HECW2: variants seen among roughly 807,000 people sequenced by gnomAD.
The protein encoded by HECW2 is E3 ubiquitin-protein ligase HECW2.
In HECW2, 61 loss-of-function variants were observed where a neutral mutation model predicts 175.2. The observed-to-expected ratio is 0.35, with a 90% CI of 0.28 to 0.43. The LOEUF (loss-of-function observed/expected upper bound fraction) is 0.43, where lower values mean the gene tolerates loss of function less well. Among genes scored for constraint, HECW2 ranks in the 20% least tolerant of loss-of-function variants. HECW2 has a pLI of 1.00. For missense variants in HECW2, 1,524 were observed against 2,000.5 expected (o/e 0.76, Z 4.54); for synonymous variants, 671 against 731.0 (o/e 0.92, Z 1.32).
At chr2:196,510,369 C>T (rs761503812) in intron 1 of HECW2, among the ~76,000 whole-genome samples, 5 of 152,152 alleles carry the variant, frequency 3.3e-5, no homozygotes, top group Admixed American at 6.5e-5. Context: ...AATCATTAAA[C>T]CAGCATTACT....
At chr2:196,463,417 AAAAG>A (rs1400624662) in intron 1 of HECW2, among the ~76,000 whole-genome samples, 3 of 151,950 alleles carry the variant, frequency 2.0e-5, no homozygotes, top group South Asian at 2.1e-4. Flanking sequence ...AAAAAAAAAA[AAAAG>A]AAAGAAAGAA....
intron 5 of HECW2, among the ~76,000 whole-genome samples, chr2:196,327,720 T>C (rs16849617): frequency 0.02 from 2,985 of 152,308 alleles, 92 homozygotes; most frequent in African/African-American, 0.068. Flanking sequence ...TAGTCATTTC[T>C]GTACACTGTC....
chr2:196,552,048 C>T (rs1689616507), intron 1 of HECW2, among the ~76,000 whole-genome samples: 1 of 152,138 alleles, frequency 6.6e-6, no homozygotes. Context: ...TTACCCAGAG[C>T]CTATTAAGAC....
At chr2:196,360,626 C>A (rs563845326) in intron 2 of HECW2, among the ~76,000 whole-genome samples, 1 of 152,118 alleles carries the variant, frequency 6.6e-6, no homozygotes, top group Non-Finnish European at 1.5e-5. Context: ...AAAATAATCT[C>A]TTCAACAAAC....
At chr2:196,496,830 T>C (rs1687410427) in intron 1 of HECW2, among the ~76,000 whole-genome samples, 1 of 152,230 alleles carries the variant, frequency 6.6e-6, no homozygotes, top group Non-Finnish European at 1.5e-5. Flanking sequence ...ACTCAAACGT[T>C]ATGTCTCCAT....
intron 1 of HECW2, among the ~76,000 whole-genome samples, chr2:196,488,905 A>G (rs931008117): frequency 1.3e-5 from 2 of 152,228 alleles, no homozygotes; most frequent in African/African-American, 4.8e-5. Context: ...GAAGCACTCT[A>G]TAAACATTAA....
intron 3 of HECW2, among the ~76,000 whole-genome samples, chr2:196,338,530 C>T (rs1692634268): frequency 6.6e-6 from 1 of 152,176 alleles, no homozygotes; most frequent in Admixed American, 6.5e-5. Flanking sequence ...ATATTTCAAG[C>T]CCTCTCTGCA....
At chr2:196,251,102 T>C (rs1471223203) in intron 19 of HECW2, among the ~76,000 whole-genome samples, 1 of 152,088 alleles carries the variant, frequency 6.6e-6, no homozygotes, top group African/African-American at 2.4e-5. Flanking sequence ...TGCAGTGGCA[T>C]GATCATGGCT....
intron 16 of HECW2, among the ~76,000 whole-genome samples, chr2:196,272,940 T>A (rs1211777280): frequency 6.6e-6 from 1 of 151,972 alleles, no homozygotes; most frequent in Non-Finnish European, 1.5e-5. Context: ...TTTCTTCTTA[T>A]CCAGAGGTCA....
chr2:196,316,035 T>C (rs925228703), intron 10 of HECW2: 7 of 152,238 alleles, frequency 4.6e-5, no homozygotes, highest in South Asian at 4.1e-4. Context: ...GACTCATCTT[T>C]TCTCTAAAGG....
chr2:196,248,779 A>G (rs1447062539), intron 19 of HECW2, among the ~76,000 whole-genome samples: 2 of 152,160 alleles, frequency 1.3e-5, no homozygotes, highest in Non-Finnish European at 2.9e-5. Context: ...GAAAACGAAG[A>G]TCATTAAGGG....
At chr2:196,353,345 T>G (rs1024664836) in intron 2 of HECW2, among the ~76,000 whole-genome samples, 3 of 152,224 alleles carry the variant, frequency 2.0e-5, no homozygotes, top group African/African-American at 7.2e-5. Context: ...ACTATCTTAC[T>G]TTGCTCAATT....
intron 3 of HECW2, among the ~76,000 whole-genome samples, chr2:196,343,091 T>C (rs1452448193): frequency 6.6e-6 from 1 of 151,824 alleles, no homozygotes; most frequent in Non-Finnish European, 1.5e-5. Context: ...TGTGTGTATA[T>C]ACATATACAC....
intron 16 of HECW2, among the ~76,000 whole-genome samples, chr2:196,271,954 C>T (rs961270134): frequency 2.0e-5 from 3 of 152,094 alleles, no homozygotes; most frequent in African/African-American, 4.8e-5. Flanking sequence ...ATTTGACAAG[C>T]CATATTTATT....
intron 1 of HECW2, among the ~76,000 whole-genome samples, chr2:196,466,543 C>T (rs1004229719): frequency 9.9e-5 from 15 of 152,110 alleles, no homozygotes; most frequent in African/African-American, 1.4e-4. Context: ...AGGGAAGAGA[C>T]ATAGGAAATG....
intron 1 of HECW2, among the ~76,000 whole-genome samples, chr2:196,568,398 G>C (rs543222225): frequency 6.6e-6 from 1 of 152,074 alleles, no homozygotes; most frequent in African/African-American, 2.4e-5. Flanking sequence ...AAAATACATG[G>C]GGGAAAATAA....
At position 196,580,052 on chromosome 2, in the gene HECW2, T is replaced by C. The variant is rs1284097618; in HGVS notation, c.-36+13456A>G. Among the ~76,000 whole-genome samples, 5 of 152,210 alleles carry C rather than the reference T, an allele frequency of 3.3e-5. No individual in the cohort carries two copies. The East Asian group carries it at 9.7e-4, about 29-fold the overall frequency. On this transcript the variant is annotated intron_variant, in intron 1 of 28. Coordinates refer to ENST00000644978, the MANE Select transcript of HECW2 (RefSeq NM_001348768.2). ...GTGATAATATTAGTATCAGACAAAA[T>C]AGACTTTAAGACAAAAATTGTTACT...
At chr2:196,410,147 A>C (rs1695070039) in intron 2 of HECW2, among the ~76,000 whole-genome samples, 1 of 152,208 alleles carries the variant, frequency 6.6e-6, no homozygotes, top group Admixed American at 6.5e-5. Flanking sequence ...ATCCTGAAAA[A>C]AAATGGAAAT....
intron 14 of HECW2, chr2:196,288,189 G>A (rs1004455765): frequency 6.6e-6 from 1 of 152,110 alleles, no homozygotes; most frequent in South Asian, 2.1e-4. Flanking sequence ...CCAATGTGTC[G>A]ATCTGATTTC....
Sources: allele counts gnomAD v4.1 joint callset (sites outside exome capture counted in the v4.1 genomes callset), GRCh38; gene constraint gnomAD v4.1.1; transcripts MANE v1.5; gene names NCBI Gene and HGNC (gene_info 2026-07-23, HGNC 2026-07-21).